LONRF1: variants seen among roughly 807,000 people sequenced by gnomAD.
The protein encoded by LONRF1 is LON peptidase N-terminal domain and RING finger protein 1.
LONRF1 carries 37 observed loss-of-function variants against 85.8 expected under a neutral mutation model. That is an observed-to-expected ratio of 0.43 (90% CI 0.33 to 0.57). LONRF1 has a LOEUF of 0.57. Among genes scored for constraint, LONRF1 ranks in the 20% least tolerant of loss-of-function variants. LONRF1 has a pLI of 0.04. For synonymous variants in LONRF1, 517 were observed against 390.1 expected, an observed-to-expected ratio of 1.33 and a Z score of -3.83; for missense variants, 1,036 against 978.0, an observed-to-expected ratio of 1.06 and a Z score of -0.79.
At chr8:12,749,473 A>G (rs1799293223) in intron 1 of LONRF1, among the ~76,000 whole-genome samples, 1 of 152,246 alleles carries the variant, frequency 6.6e-6, no homozygotes, top group African/African-American at 2.4e-5. Context: ...GCAGAACACT[A>G]TACAAATTCA....
In LONRF1 at chr8:12,731,842, T is replaced by G. The variant is rs1563139671; in HGVS notation, c.1582A>C (p.Arg528=). 1 of 1,612,196 alleles carries G rather than the reference T, an allele frequency of 6.2e-7. No homozygotes were observed. Among genetic ancestry groups the G allele is most frequent in the Non-Finnish European group, 8.5e-7 (1 of 1,178,930 alleles). The change falls in exon 8 of 12, where the codon AGG becomes CGG. Residue 528 remains arginine (R), a synonymous_variant. Coordinates refer to ENST00000398246, the MANE Select transcript of LONRF1 (RefSeq NM_152271.5). ...ESLKEYLADR[R]YCVTQLLEEL... ...TCCAACAGCTGTGTGACACAGTACC[T>G]CCTATCTGCTAGATACTAAAAGACA...
rs569563499 is a variant in LONRF1, at chr8:12,736,880, G to A, written c.1354+20C>T. ...GACTAAATAAATTTATTTTATATAA[G>A]TGTAGAGCAAAATTTTTACCTCCTT... On this transcript the variant is annotated intron_variant, in intron 5 of 11. Transcript: ENST00000398246. 9.3e-5 allele frequency: 148 copies of A among 1,593,808 alleles called. No homozygotes were observed. In the South Asian group the frequency reaches 1.5e-3, roughly 16 times the overall value.
chr8:12,729,299 A>G lies in LONRF1; in HGVS notation c.1722T>C (p.Thr574=). The part of the protein sequence containing the change: ...LTKNVPIFVC[T]MAYPTVPCPL... ...GGCAAGGCACAGTGGGGTAGGCCATAGTGCAAACAAATATTGGAACATTCT... is the reference window on the plus strand; with the variant it reads ...GGCAAGGCACAGTGGGGTAGGCCATGGTGCAAACAAATATTGGAACATTCT... Residue 574 remains threonine, a synonymous_variant, in exon 9 of 12, where the codon ACT becomes ACC. Transcript: ENST00000398246. The G allele has an allele frequency of 1.9e-6, 3 of 1,613,860 alleles. No homozygotes were observed. The highest frequency in any genetic ancestry group is 2.5e-6 in the Non-Finnish European group (3 of 1,179,822).
At chr8:12,748,827 T>C (rs912496891) in intron 1 of LONRF1, among the ~76,000 whole-genome samples, 1 of 151,356 alleles carries the variant, frequency 6.6e-6, no homozygotes, top group African/African-American at 2.4e-5. Flanking sequence ...TTTGCTTCTA[T>C]TGCTTCATTA....
At chr8:12,736,071 AT>A (rs2117269834) in intron 6 of LONRF1, among the ~76,000 whole-genome samples, 1 of 152,294 alleles carries the variant, frequency 6.6e-6, no homozygotes, top group South Asian at 2.1e-4. Context: ...CACTTCACAG[AT>A]GAAGAAACCA....
intron 1 of LONRF1, 29 bp downstream of exon 1, chr8:12,754,671 C>A (rs1799559234): frequency 7.6e-7 from 1 of 1,320,574 alleles, no homozygotes; most frequent in Non-Finnish European, 9.6e-7. Flanking sequence ...TGCGGTCGGC[C>A]CGGCCCCGCC....
At chr8:12,751,773 G>A (rs926328810) in intron 1 of LONRF1, among the ~76,000 whole-genome samples, 2 of 150,982 alleles carry the variant, frequency 1.3e-5, no homozygotes, top group African/African-American at 4.9e-5. Context: ...ACACGAAGGA[G>A]ATAAGTCAGT....
rs762348319 is a variant in LONRF1 at position 12,736,727 on chromosome 8, T to G, written c.1425A>C (p.Ser475=). The part of the protein sequence containing the change: ...GDIPEELIDV[S]DFECSLCMRL... ...TCATGCAGAGAGAACACTCGAAATC[T>G]GAGACATCGATTAATTCTTCTGGAA... The change falls in exon 6 of 12, where the codon TCA becomes TCC. Residue 475 remains serine (S), a synonymous_variant. Transcript: ENST00000398246. 3.1e-6 allele frequency: 5 copies of G among 1,610,960 alleles called. No homozygotes were observed. In the South Asian group the frequency reaches 4.4e-5, roughly 14 times the overall value.
chr8:12,747,347 G>C (rs1053488136), intron 1 of LONRF1, among the ~76,000 whole-genome samples: 2 of 152,256 alleles, frequency 1.3e-5, no homozygotes, highest in African/African-American at 4.8e-5. Context: ...AGGTCTTAAA[G>C]TTGTTTCTTT....
Position 12,755,012 on chromosome 8 carries a change from G to A in LONRF1, c.409C>T (p.Pro137Ser). Residue 137 changes from proline to serine, a missense_variant, in exon 1 of 12, where the codon CCC (proline) becomes TCC (serine). Coordinates refer to ENST00000398246, the MANE Select transcript of LONRF1 (RefSeq NM_152271.5). ...CGGCGGCAGTAGCTGTGGCCACAGG[G>A]CACGGTCACCGGCTCGCTCAGGAAG... ...RGFLSEPVTV[P>S]CGHSYCRRCL... The A allele has an allele frequency of 7.4e-6, 11 of 1,492,782 alleles. No individual in the cohort carries two copies. Among genetic ancestry groups the A allele is most frequent in the Admixed American group, 2.2e-5 (1 of 46,062 alleles). 92.5% of individuals were successfully genotyped at this position (1,492,782 alleles called of 1,614,324 possible).
chr8:12,736,986 C>T lies in LONRF1; in HGVS notation c.1268G>A (p.Gly423Asp), dbSNP rs977847525. 8 of 1,613,480 alleles carry T rather than the reference C, an allele frequency of 5.0e-6. No homozygotes were observed. Among genetic ancestry groups the T allele is most frequent in the Non-Finnish European group, 6.8e-6 (8 of 1,179,700 alleles). Residue 423 changes from glycine to aspartate, a missense_variant, in exon 5 of 12, where the codon GGT becomes GAT. Physicochemically the swap from Gly to Asp is moderately conservative, Grantham distance 94. Around this residue, in one of 3 missense-constraint regions of LONRF1, gnomAD observed 742 missense variants for 614.4 expected, o/e 1.21. Transcript: ENST00000398246. ...AGACAACTTTCTTTTCAGCAGAACA[C>T]CTTTTTCTTGAACTGACAGAACAGG... ...SEPVLSVQEK[G>D]VLLKRKLSLL...
chr8:12,723,995 C>T (rs763566177), intron 11 of LONRF1, among the ~76,000 whole-genome samples: 36 of 152,274 alleles, frequency 2.4e-4, no homozygotes, highest in Admixed American at 1.0e-3. Flanking sequence ...CCTTAAATTG[C>T]TATTTATCGG....
intron 3 of LONRF1, among the ~76,000 whole-genome samples, chr8:12,739,590 C>T (rs764630557): frequency 5.3e-5 from 8 of 152,090 alleles, no homozygotes; most frequent in Admixed American, 3.3e-4. Flanking sequence ...AACTCACTGA[C>T]GTGTAAAATC....
At chr8:12,741,536 C>T (rs755144818) in intron 2 of LONRF1, among the ~76,000 whole-genome samples, 3 of 152,176 alleles carry the variant, frequency 2.0e-5, no homozygotes, top group Non-Finnish European at 2.9e-5. Context: ...CACACCAAGT[C>T]AGAGCTGGGC....
chr8:12,750,017 G>A lies in LONRF1; in HGVS notation c.721+4683C>T, dbSNP rs139146090. ...AGAATATTTTAGATTTATGTTTTGC[G>A]TGCTAATTTTTAAATCAACTTTGTG... On this transcript the variant is annotated intron_variant, in intron 1 of 11. Coordinates refer to ENST00000398246, the MANE Select transcript of LONRF1 (RefSeq NM_152271.5). Among the ~76,000 whole-genome samples the A allele has an allele frequency of 3.2e-3, 485 of 152,254 alleles. 1 individual carries two copies. Among genetic ancestry groups the A allele is most frequent in the African/African-American group, 0.01 (425 of 41,548 alleles).
At chr8:12,754,574 G>A (rs1396324811) in intron 1 of LONRF1, 126 bp downstream of exon 1, 6 of 1,049,598 alleles carry the variant, frequency 5.7e-6, no homozygotes, top group East Asian at 8.3e-5. Context: ...GACCCGACAC[G>A]CCAGCGGCCC....
chr8:12,723,346 C>G (rs1262911199), intron 11 of LONRF1, 92 bp from the exon 12 acceptor site: 1 of 1,211,194 alleles, frequency 8.3e-7, no homozygotes, highest in Non-Finnish European at 1.2e-6. Context: ...TTATTGAGCA[C>G]TTGTACTATG....
At chr8:12,743,794 T>C (rs1179021309) in intron 1 of LONRF1, among the ~76,000 whole-genome samples, 1 of 152,096 alleles carries the variant, frequency 6.6e-6, no homozygotes, top group Non-Finnish European at 1.5e-5. Flanking sequence ...CTGGAGGAAA[T>C]GGGTTAATAA....
At chr8:12,748,277 T>C (rs1344889835) in intron 1 of LONRF1, among the ~76,000 whole-genome samples, 1 of 152,148 alleles carries the variant, frequency 6.6e-6, no homozygotes, top group Non-Finnish European at 1.5e-5. Flanking sequence ...TTAACATGGC[T>C]CACCGCAGCC....
Sources: allele counts gnomAD v4.1 joint callset (sites outside exome capture counted in the v4.1 genomes callset), GRCh38; gene constraint gnomAD v4.1.1; regional missense constraint gnomAD v4.1.1; transcripts MANE v1.5; gene names NCBI Gene and HGNC (gene_info 2026-07-23, HGNC 2026-07-21).